The following CRADD variants were observed in gnomAD, a reference collection of about 807,000 sequenced individuals.
CRADD encodes death domain-containing protein CRADD.
Under a neutral mutation model 15.5 loss-of-function variants are expected in CRADD, and 9 were observed. The ratio of observed to expected loss-of-function variants is 0.58; its 90% confidence interval spans 0.35 to 1.01. The LOEUF (loss-of-function observed/expected upper bound fraction) is 1.01. Ranked by LOEUF, CRADD falls within the 50% of genes least tolerant of loss-of-function variation. CRADD has a pLI of 0.02. For synonymous variants in CRADD, 118 were observed against 107.6 expected (o/e 1.10, Z -0.60); for missense variants, 227 against 250.3 (o/e 0.91, Z 0.63).
At chr12:93,740,816 A>T (rs1045116643) in intron 2 of CRADD, among the ~76,000 whole-genome samples, 8 of 152,208 alleles carry the variant, frequency 5.3e-5, no homozygotes, top group African/African-American at 1.7e-4. Context: ...TTTGCAGGAT[A>T]AAAAGAAGTA....
chr12:93,685,578 A>T (rs925550264), intron 2 of CRADD, among the ~76,000 whole-genome samples: 6 of 152,208 alleles, frequency 3.9e-5, no homozygotes, highest in Non-Finnish European at 7.3e-5. Flanking sequence ...ATCAACCAAA[A>T]ATAAAAAGAA....
At chr12:93,866,267 A>C (rs1958366639) in intron 2 of CRADD, among the ~76,000 whole-genome samples, 1 of 151,922 alleles carries the variant, frequency 6.6e-6, no homozygotes, top group Non-Finnish European at 1.5e-5. Context: ...TAGTGTTTGG[A>C]TATTGGACTT....
chr12:93,854,993 G>A (rs1958260792), downstream of CRADD, among the ~76,000 whole-genome samples: 1 of 151,980 alleles, frequency 6.6e-6, no homozygotes. Flanking sequence ...CCAGGAGTTC[G>A]AGACCAGCCT....
intron 2 of CRADD, among the ~76,000 whole-genome samples, chr12:93,817,682 G>A (rs914898093): frequency 1.3e-5 from 2 of 151,682 alleles, no homozygotes; most frequent in African/African-American, 2.4e-5. Flanking sequence ...CATAAAGCAG[G>A]TTGGGGCCTT....
intron 2 of CRADD, among the ~76,000 whole-genome samples, chr12:93,885,878 A>G (rs897025971): frequency 2.6e-5 from 4 of 152,108 alleles, no homozygotes; most frequent in African/African-American, 9.7e-5. Flanking sequence ...GTCTCTACTA[A>G]AAATACAAAA....
intron 2 of CRADD, among the ~76,000 whole-genome samples, chr12:93,773,669 AC>A (rs1006567903): frequency 6.6e-6 from 1 of 151,706 alleles, no homozygotes; most frequent in Non-Finnish European, 1.5e-5. Flanking sequence ...AGGCCTTGGA[AC>A]CCTCATTGAA....
At chr12:93,678,294 A>G (rs1955203947) in intron 1 of CRADD, among the ~76,000 whole-genome samples, 1 of 152,156 alleles carries the variant, frequency 6.6e-6, no homozygotes, top group African/African-American at 2.4e-5. Context: ...TTTTGCAAAT[A>G]CTTGTGATCA....
chr12:93,711,906 C>A (rs1956081817), intron 2 of CRADD, among the ~76,000 whole-genome samples: 1 of 152,142 alleles, frequency 6.6e-6, no homozygotes, highest in African/African-American at 2.4e-5. Context: ...CAGGCGTGAG[C>A]CACCACTCCT....
At chr12:93,790,568 A>G (rs1344792598) in intron 2 of CRADD, 1 of 152,022 alleles carries the variant, frequency 6.6e-6, no homozygotes, top group Non-Finnish European at 1.5e-5. Context: ...TCTGGCTTAC[A>G]GTCTATATTT....
At chr12:93,706,864 T>C (rs1007562974) in intron 2 of CRADD, among the ~76,000 whole-genome samples, 6 of 152,224 alleles carry the variant, frequency 3.9e-5, no homozygotes. Flanking sequence ...TCATTTCTGT[T>C]TTAAGTCCTA....
At chr12:93,753,661 G>GT (rs1398351150) in intron 2 of CRADD, among the ~76,000 whole-genome samples, 1 of 152,224 alleles carries the variant, frequency 6.6e-6, no homozygotes, top group Non-Finnish European at 1.5e-5. Context: ...CAGTAGGGCA[G>GT]TAATTAAATC....
chr12:93,742,799 C>G (rs1956695742), intron 2 of CRADD, among the ~76,000 whole-genome samples: 1 of 152,110 alleles, frequency 6.6e-6, no homozygotes, highest in African/African-American at 2.4e-5. Context: ...TGTCCCGAGC[C>G]ATTCCGCGGA....
intron 2 of CRADD, among the ~76,000 whole-genome samples, chr12:93,758,830 T>G (rs1341256889): frequency 6.6e-6 from 1 of 152,208 alleles, no homozygotes. Flanking sequence ...ACCTCAAGCA[T>G]ATAGTCTTAT....
chr12:93,681,889 A>G (rs956515916), intron 2 of CRADD, among the ~76,000 whole-genome samples: 1 of 152,156 alleles, frequency 6.6e-6, no homozygotes, highest in African/African-American at 2.4e-5. Context: ...ATATGTATAT[A>G]TGTATATAGA....
intron 2 of CRADD, among the ~76,000 whole-genome samples, chr12:93,886,161 G>GAAT: frequency 9.7e-6 from 1 of 102,952 alleles, no homozygotes; most frequent in African/African-American, 3.8e-5. Context: ...AGCTGCTGAT[G>GAAT]CTTTTTTTTT....
chr12:93,754,389 A>G (rs1291600954), intron 2 of CRADD, among the ~76,000 whole-genome samples: 2 of 152,214 alleles, frequency 1.3e-5, no homozygotes, highest in African/African-American at 4.8e-5. Flanking sequence ...CTTGTTACTT[A>G]TGCAAGTTTC....
intron 2 of CRADD, among the ~76,000 whole-genome samples, chr12:93,870,524 G>T (rs1958409489): frequency 6.6e-6 from 1 of 152,154 alleles, no homozygotes; most frequent in South Asian, 2.1e-4. Context: ...TCTATTCCTG[G>T]TAGACATGGC....
chr12:93,747,301 G>C (rs905480032), intron 2 of CRADD, among the ~76,000 whole-genome samples: 1 of 152,156 alleles, frequency 6.6e-6, no homozygotes, highest in Non-Finnish European at 1.5e-5. Context: ...GAGGGCTCTT[G>C]TCAGGCAGGT....
chr12:93,771,039 A>G (rs1336949009), intron 2 of CRADD, among the ~76,000 whole-genome samples: 2 of 152,222 alleles, frequency 1.3e-5, no homozygotes, highest in Non-Finnish European at 2.9e-5. Flanking sequence ...TATCTTCAAC[A>G]TAATTCTTTC....
Sources: gnomAD v4.1 joint callset for allele counts (sites outside exome capture counted in the v4.1 genomes callset) on GRCh38, gnomAD v4.1.1 for gene constraint, MANE v1.5 for transcripts, NCBI Gene and HGNC (gene_info 2026-07-23, HGNC 2026-07-21) for gene names.